Variants in LMO7 observed in about 807,000 individuals in gnomAD.
LMO7 encodes LIM domain only protein 7.
In LMO7, 120 loss-of-function variants were observed where a neutral mutation model predicts 206.5. The observed-to-expected ratio is 0.58, with a 90% CI of 0.50 to 0.68. The LOEUF (loss-of-function observed/expected upper bound fraction) is 0.68, where lower values mean the gene tolerates loss of function less well. Ranked by LOEUF, LMO7 falls within the 30% of genes least tolerant of loss-of-function variation. LMO7 has a pLI of 0.00. For synonymous variants in LMO7, 706 were observed against 681.5 expected, an observed-to-expected ratio of 1.04 and a Z score of -0.56; for missense variants, 1,959 against 1,957.9, an observed-to-expected ratio of 1.00 and a Z score of -0.01.
Position 75,805,520 on chromosome 13 carries a change from C to G in LMO7, c.956C>G (p.Pro319Arg). 6.2e-7 allele frequency: 1 copy of G among 1,613,886 alleles called. No homozygotes were observed. Among genetic ancestry groups the G allele is most frequent in the Non-Finnish European group, 8.5e-7 (1 of 1,179,850 alleles). Residue 319 changes from proline to arginine, a missense_variant, in exon 9 of 31, where the codon CCA becomes CGA. Transcript: ENST00000377534. ...RIWGTNVENW[P>R]TVQGTSKSSC... Reference sequence around the variant, plus strand: ...TGGGGCACCAATGTGGAGAACTGGCCAACTGTACAAGGAACTTCAAAGTCC... The same window carrying G: ...TGGGGCACCAATGTGGAGAACTGGCGAACTGTACAAGGAACTTCAAAGTCC...
intron 15 of LMO7, among the ~76,000 whole-genome samples, chr13:75,824,582 T>A (rs1231836780): frequency 6.6e-6 from 1 of 152,146 alleles, no homozygotes; most frequent in Non-Finnish European, 1.5e-5. Context: ...ATAAATGTTT[T>A]TTGTAGCCTA....
At chr13:75,626,077 C>T (rs901019180) in intron 2 of LMO7, among the ~76,000 whole-genome samples, 1 of 152,156 alleles carries the variant, frequency 6.6e-6, no homozygotes, top group Non-Finnish European at 1.5e-5. Flanking sequence ...CCCAGATTAA[C>T]AATAATGGTA....
chr13:75,856,432 C>A, intron 29 of LMO7, 74 bp from the exon 30 acceptor site: 2 of 838,760 alleles, frequency 2.4e-6, no homozygotes, highest in Non-Finnish European at 4.0e-6. Context: ...GCTCATTTCC[C>A]CCCCACCCCC....
rs1307729567 is a variant in LMO7, at chr13:75,849,218, T to A, written c.4290T>A (p.Asn1430Lys). 13 of 1,614,008 alleles carry A rather than the reference T, an allele frequency of 8.1e-6. No individual in the cohort carries two copies. Among genetic ancestry groups the A allele is most frequent in the Non-Finnish European group, 1.1e-5 (13 of 1,180,008 alleles). The part of the protein sequence containing the change: ...QEMRKRTPLH[N>K]DNSWIRQRSA... Reference sequence around the variant, plus strand: ...TGAGGAAGAGAACACCCCTTCACAATGACAACAGCTGGATCCGACAGCGCA... The same window carrying A: ...TGAGGAAGAGAACACCCCTTCACAAAGACAACAGCTGGATCCGACAGCGCA... Residue 1430 changes from asparagine to lysine, a missense_variant, in exon 27 of 31, where the codon AAT becomes AAA. Physicochemically the swap from Asn to Lys is moderately conservative, Grantham distance 94 (BLOSUM62 0). Transcript: ENST00000377534.
chr13:75,808,106 C>T lies in LMO7; in HGVS notation c.1823C>T (p.Thr608Ile). 1.2e-6 allele frequency: 2 copies of T among 1,613,896 alleles called. No individual in the cohort carries two copies. The highest frequency in any genetic ancestry group is 1.7e-6 in the Non-Finnish European group (2 of 1,179,854). Reference sequence around the variant, plus strand: ...ACTACCGTGCCTCCCATCAGTTTCACCCCTGGCCCCTGCAGTGAGGCTGAC... The same window carrying T: ...ACTACCGTGCCTCCCATCAGTTTCATCCCTGGCCCCTGCAGTGAGGCTGAC... ...LGTTVPPISFTPGPCSEADLK... is the reference protein window; with the variant it reads ...LGTTVPPISFIPGPCSEADLK... Residue 608 changes from threonine to isoleucine, a missense_variant, in exon 10 of 31, where the codon ACC becomes ATC. Transcript: ENST00000377534.
upstream of LMO7, among the ~76,000 whole-genome samples, chr13:75,635,508 C>T (rs2035674333): frequency 6.6e-6 from 1 of 152,196 alleles, no homozygotes; most frequent in South Asian, 2.1e-4. Flanking sequence ...ACCTCGCTGT[C>T]CCCTGAGTGT....
intron 14 of LMO7, among the ~76,000 whole-genome samples, chr13:75,822,465 G>T (rs979306419): frequency 6.6e-5 from 10 of 151,842 alleles, no homozygotes; most frequent in Non-Finnish European, 1.5e-4. Context: ...TGCATTTTAG[G>T]GTTAATATCT....
intron 1 of LMO7, among the ~76,000 whole-genome samples, chr13:75,651,292 CAGTTT>C (rs2037529840): frequency 1.4e-5 from 2 of 147,432 alleles, no homozygotes; most frequent in Admixed American, 1.4e-4. Context: ...TTTCGTTATT[CAGTTT>C]AGTGTGGTTT....
At chr13:75,788,231 T>C (rs561630735) in intron 4 of LMO7, among the ~76,000 whole-genome samples, 1 of 152,082 alleles carries the variant, frequency 6.6e-6, no homozygotes, top group South Asian at 2.1e-4. Context: ...GCTTGTTGCA[T>C]ATATAAAAAT....
chr13:75,655,283 C>T (rs571283450), intron 1 of LMO7, among the ~76,000 whole-genome samples: 9 of 152,216 alleles, frequency 5.9e-5, no homozygotes, highest in African/African-American at 1.7e-4. Flanking sequence ...CCCTCTGAAG[C>T]GTGTAGAGTT....
chr13:75,853,872 T>C (rs1276009902), intron 28 of LMO7, among the ~76,000 whole-genome samples: 1 of 152,220 alleles, frequency 6.6e-6, no homozygotes, highest in Non-Finnish European at 1.5e-5. Flanking sequence ...TCTGGGGGAC[T>C]TCTGACTAGC....
At chr13:75,813,152 G>T (rs988964371) in intron 11 of LMO7, among the ~76,000 whole-genome samples, 1 of 152,204 alleles carries the variant, frequency 6.6e-6, no homozygotes. Flanking sequence ...TGAATATTAT[G>T]CCATTAATGC....
chr13:75,705,632 C>T (rs1246348223), intron 1 of LMO7, among the ~76,000 whole-genome samples: 1 of 152,192 alleles, frequency 6.6e-6, no homozygotes, highest in Non-Finnish European at 1.5e-5. Context: ...AAATGTGTCA[C>T]ACCTTAAATA....
At chr13:75,782,241 T>A (rs140777587) in intron 4 of LMO7, among the ~76,000 whole-genome samples, 27 of 152,354 alleles carry the variant, frequency 1.8e-4, no homozygotes, top group African/African-American at 6.0e-4. Flanking sequence ...TGTCATAAAC[T>A]GTTGGCATTG....
chr13:75,815,732 C>T (rs1300656017), intron 11 of LMO7, among the ~76,000 whole-genome samples: 4 of 151,842 alleles, frequency 2.6e-5, no homozygotes, highest in Non-Finnish European at 5.9e-5. Flanking sequence ...GGTGAGTTGA[C>T]TGTACTCTGA....
rs777689482 is a variant in LMO7 at position 75,858,029 on chromosome 13, C to CT, written c.*92dup. 6 of 1,494,744 alleles carry CT rather than the reference C, an allele frequency of 4.0e-6. No homozygotes were observed. The highest frequency in any genetic ancestry group is 5.4e-6 in the Non-Finnish European group (6 of 1,103,814). 92.6% of individuals were successfully genotyped at this position (1,494,744 alleles called of 1,614,324 possible). On this transcript the variant is annotated 3_prime_UTR_variant, in exon 31 of 31. Coordinates refer to ENST00000377534, the MANE Select transcript of LMO7 (RefSeq NM_001306080.2). ...AGATCTATAAATATGTGTTGTATGT[C>CT]TTTTTTGCTTTTTTTTTAAAAAAAA...
rs557060060 is a variant in LMO7 at position 75,760,396 on chromosome 13, A to C, written c.211-536A>C. 2.5e-5 allele frequency: 27 copies of C among 1,074,854 alleles called. No homozygotes were observed. In the Admixed American group the frequency reaches 8.2e-4, roughly 33 times the overall value. 66.6% of individuals were successfully genotyped at this position (1,074,854 alleles called of 1,614,324 possible). A position where few individuals can be genotyped will look rare whatever the true frequency, so the allele number is the denominator to read the frequency against. ...CTATAGTATGGTTTCCCTGCCTGTCAAGAGCCAGCTCAACAACCAAACCCA... is the reference window on the plus strand; with the variant it reads ...CTATAGTATGGTTTCCCTGCCTGTCCAGAGCCAGCTCAACAACCAAACCCA... On this transcript the variant is annotated intron_variant, in intron 3 of 30. Transcript: ENST00000377534.
At chr13:75,734,866 A>G (rs900607558) in intron 3 of LMO7, among the ~76,000 whole-genome samples, 14 of 152,250 alleles carry the variant, frequency 9.2e-5, no homozygotes, top group Non-Finnish European at 1.9e-4. Context: ...TTGGGAGGCC[A>G]AGGCGGGCGG....
upstream of LMO7, among the ~76,000 whole-genome samples, chr13:75,632,422 G>A (rs191199622): frequency 2.0e-5 from 3 of 152,184 alleles, no homozygotes; most frequent in Admixed American, 6.5e-5. Context: ...CTGACACACT[G>A]TTAGAAAGAG....
Sources: gnomAD v4.1 joint callset for allele counts (sites outside exome capture counted in the v4.1 genomes callset) on GRCh38, gnomAD v4.1.1 for gene constraint, MANE v1.5 for transcripts, NCBI Gene and HGNC (gene_info 2026-07-23, HGNC 2026-07-21) for gene names.